CADPS2: variants seen among roughly 807,000 people sequenced by gnomAD.
CADPS2 encodes calcium-dependent secretion activator 2.
A neutral mutation model predicts 172.5 loss-of-function variants in CADPS2; 93 were observed. The observed-to-expected ratio is 0.54, with a 90% CI of 0.46 to 0.64. CADPS2 has a LOEUF of 0.64. Ranked by LOEUF, CADPS2 falls within the 30% of genes least tolerant of loss-of-function variation. The pLI, the probability that CADPS2 is intolerant of heterozygous loss-of-function variation, is 0.00. For synonymous variants in CADPS2, 546 were observed against 555.2 expected, an observed-to-expected ratio of 0.98 and a Z score of 0.23; for missense variants, 1,420 against 1,565.9, an observed-to-expected ratio of 0.91 and a Z score of 1.57.
At chr7:122,663,794 A>C (rs1429485662) in intron 2 of CADPS2, among the ~76,000 whole-genome samples, 1 of 152,230 alleles carries the variant, frequency 6.6e-6, no homozygotes, top group African/African-American at 2.4e-5. Flanking sequence ...ATACAGTAAA[A>C]AATACCAGTA....
chr7:122,829,921 A>C (rs956218722), intron 1 of CADPS2, among the ~76,000 whole-genome samples: 2 of 152,178 alleles, frequency 1.3e-5, no homozygotes, highest in Admixed American at 1.3e-4. Context: ...AAACATTGTG[A>C]TGTCCAGTAA....
intron 2 of CADPS2, among the ~76,000 whole-genome samples, chr7:122,714,255 G>C (rs1268436320): frequency 6.6e-6 from 1 of 152,060 alleles, no homozygotes; most frequent in East Asian, 1.9e-4. Context: ...TAAAAATCGA[G>C]AAGCAAAACG....
intron 4 of CADPS2, among the ~76,000 whole-genome samples, chr7:122,627,521 C>G (rs867120982): frequency 6.6e-6 from 1 of 152,178 alleles, no homozygotes; most frequent in Non-Finnish European, 1.5e-5. Flanking sequence ...CAAGGAGAAG[C>G]CTTTGTGTGT....
chr7:122,843,663 G>C (rs1584861639), intron 1 of CADPS2, among the ~76,000 whole-genome samples: 1 of 152,136 alleles, frequency 6.6e-6, no homozygotes, highest in East Asian at 1.9e-4. Context: ...CCATAAAACT[G>C]AGCAGTCTGA....
chr7:122,412,160 G>A (rs1415007928), intron 19 of CADPS2, among the ~76,000 whole-genome samples: 1 of 152,070 alleles, frequency 6.6e-6, no homozygotes, highest in Non-Finnish European at 1.5e-5. Flanking sequence ...GTTGGTCAGA[G>A]GCTAATATAA....
At chr7:122,405,948 A>C (rs554493296) in intron 20 of CADPS2, among the ~76,000 whole-genome samples, 1 of 152,312 alleles carries the variant, frequency 6.6e-6, no homozygotes, top group East Asian at 1.9e-4. Context: ...CTTCTTTTAT[A>C]GATATAGCAC....
chr7:122,407,007 G>A (rs920262229), intron 20 of CADPS2, among the ~76,000 whole-genome samples: 1 of 152,158 alleles, frequency 6.6e-6, no homozygotes, highest in Non-Finnish European at 1.5e-5. Flanking sequence ...GAGAATAAAA[G>A]TATCAATAGA....
chr7:122,647,943 A>G (rs1032820568), intron 3 of CADPS2, among the ~76,000 whole-genome samples: 8 of 152,270 alleles, frequency 5.3e-5, no homozygotes, highest in Non-Finnish European at 1.0e-4. Flanking sequence ...GAAGCTTTTC[A>G]TCTTAACTAT....
At chr7:122,583,799 A>G in intron 6 of CADPS2, among the ~76,000 whole-genome samples, 1 of 151,308 alleles carries the variant, frequency 6.6e-6, no homozygotes, top group Non-Finnish European at 1.5e-5. Flanking sequence ...CATATCATAT[A>G]CATCACATCA....
At chr7:122,849,752 A>G (rs1813010199) in intron 1 of CADPS2, 1 of 429,884 alleles carries the variant, frequency 2.3e-6, no homozygotes. Flanking sequence ...AGCTCCAACA[A>G]TGGCCAGTAA....
At chr7:122,827,906 A>G (rs1805409484) in intron 1 of CADPS2, among the ~76,000 whole-genome samples, 1 of 152,242 alleles carries the variant, frequency 6.6e-6, no homozygotes, top group South Asian at 2.1e-4. Flanking sequence ...TATTTCAGCA[A>G]GGCAGGTTCA....
chr7:122,569,227 T>A (rs1187718322), intron 7 of CADPS2, among the ~76,000 whole-genome samples: 3 of 152,112 alleles, frequency 2.0e-5, no homozygotes, highest in African/African-American at 4.8e-5. Flanking sequence ...AGCATTCTTA[T>A]ACACCAATAA....
rs1450339478 is a variant in CADPS2, at chr7:122,318,779, C to T, written c.*1386G>A. On this transcript the variant is annotated 3_prime_UTR_variant, in exon 30 of 30. Coordinates refer to ENST00000449022, the MANE Select transcript of CADPS2 (RefSeq NM_017954.11). Reference sequence around the variant, plus strand: ...GATTAAATAGATTTTTAAGGCTAGTCTAGGTACCTAACGACCACTTATTAC... The same window carrying T: ...GATTAAATAGATTTTTAAGGCTAGTTTAGGTACCTAACGACCACTTATTAC... The T allele has an allele frequency of 6.6e-6, 1 of 152,168 alleles. No individual in the cohort carries two copies. The highest frequency in any genetic ancestry group is 2.4e-5 in the African/African-American group (1 of 41,436). The allele number at this position is 152,168 out of a possible 1,614,324, so 9.4% of individuals were successfully genotyped here.
At chr7:122,321,573 T>C (rs2032529839) in intron 29 of CADPS2, among the ~76,000 whole-genome samples, 1 of 152,158 alleles carries the variant, frequency 6.6e-6, no homozygotes, top group Admixed American at 6.5e-5. Flanking sequence ...ACAGCAGCCT[T>C]CGCCTCCCCA....
chr7:122,685,686 A>G (rs1226885262), intron 2 of CADPS2, among the ~76,000 whole-genome samples: 1 of 152,222 alleles, frequency 6.6e-6, no homozygotes, highest in South Asian at 2.1e-4. Flanking sequence ...TACGTAGCAC[A>G]TGACATTTAT....
intron 7 of CADPS2, among the ~76,000 whole-genome samples, chr7:122,575,094 T>C (rs1420487549): frequency 6.6e-6 from 1 of 152,098 alleles, no homozygotes; most frequent in African/African-American, 2.4e-5. Flanking sequence ...CTTATTTTTT[T>C]CTTATTCTGG....
At chr7:122,702,774 C>T in intron 2 of CADPS2, 2 of 1,517,936 alleles carry the variant, frequency 1.3e-6, no homozygotes, top group Non-Finnish European at 1.8e-6. Context: ...TATTAAGAGA[C>T]AAACATGAGA....
chr7:122,629,076 T>C (rs2076334171), intron 4 of CADPS2, among the ~76,000 whole-genome samples, 172 bp downstream of exon 4: 1 of 152,036 alleles, frequency 6.6e-6, no homozygotes, highest in Non-Finnish European at 1.5e-5. Context: ...ATATGCTTCA[T>C]TTAGATAACA....
At chr7:122,506,741 A>C (rs970584258) in intron 9 of CADPS2, among the ~76,000 whole-genome samples, 41 of 151,738 alleles carry the variant, frequency 2.7e-4, no homozygotes, top group African/African-American at 8.7e-4. Context: ...AAAAAAAAAA[A>C]AACAAACAAA....
Sources: gnomAD v4.1 joint callset for allele counts (sites outside exome capture counted in the v4.1 genomes callset) on GRCh38, gnomAD v4.1.1 for gene constraint, MANE v1.5 for transcripts, NCBI Gene and HGNC (gene_info 2026-07-23, HGNC 2026-07-21) for gene names.